FYB2: variants seen among roughly 807,000 people sequenced by gnomAD.
FYB2 encodes the protein FYN binding protein 2, also known as FYN-binding protein 2.
A neutral mutation model predicts 94.1 loss-of-function variants in FYB2; 103 were observed. The observed-to-expected ratio is 1.09, with a 90% CI of 0.93 to 1.29. The LOEUF is 1.29. FYB2 is among the 50% of genes most tolerant of loss of function. The pLI, the probability that FYB2 is intolerant of heterozygous loss-of-function variation, is 0.00. For synonymous variants in FYB2, 293 were observed against 287.9 expected (o/e 1.02, Z -0.18); for missense variants, 896 against 841.5 (o/e 1.06, Z -0.80).
At chr1:56,789,298 CTGCTT>C (rs1409660725) in intron 2 of FYB2, among the ~76,000 whole-genome samples, 164 bp from the exon 3 acceptor site, 7 of 152,200 alleles carry the variant, frequency 4.6e-5, no homozygotes, top group African/African-American at 1.7e-4. Flanking sequence ...TGCCATGCTG[CTGCTT>C]TAAGGATTTC....
chr1:56,812,174 AGTT>A (rs1241014439), intron 1 of FYB2, among the ~76,000 whole-genome samples: 1 of 152,216 alleles, frequency 6.6e-6, no homozygotes, highest in Non-Finnish European at 1.5e-5. Flanking sequence ...GTAGACAAGT[AGTT>A]ATTATTAGAC....
intron 1 of FYB2, among the ~76,000 whole-genome samples, chr1:56,800,008 C>T (rs1646484071): frequency 6.6e-6 from 1 of 152,220 alleles, no homozygotes; most frequent in African/African-American, 2.4e-5. Flanking sequence ...TAACTCATTT[C>T]TGAATGTCTG....
intron 1 of FYB2, among the ~76,000 whole-genome samples, chr1:56,799,128 T>C (rs1359854382): frequency 6.6e-6 from 1 of 152,188 alleles, no homozygotes; most frequent in Admixed American, 6.5e-5. Context: ...ATTAGGCGAT[T>C]GTTACTGACC....
At chr1:56,807,284 G>A (rs1430541473) in intron 1 of FYB2, among the ~76,000 whole-genome samples, 5 of 152,156 alleles carry the variant, frequency 3.3e-5, no homozygotes, top group African/African-American at 1.2e-4. Context: ...TTACTCCACA[G>A]CTATGATGTA....
intron 5 of FYB2, chr1:56,761,989 T>G (rs539788548): frequency 2.0e-5 from 3 of 151,808 alleles, no homozygotes. Context: ...CTGTGTTTCT[T>G]CTATTGAGCT....
At chr1:56,739,950 C>A (rs186001690) in intron 13 of FYB2, among the ~76,000 whole-genome samples, 1 of 152,040 alleles carries the variant, frequency 6.6e-6, no homozygotes, top group Non-Finnish European at 1.5e-5. Flanking sequence ...AATTGAGGTG[C>A]ACCTGAATAT....
chr1:56,818,889 C>G (rs1646947682), intron 1 of FYB2, among the ~76,000 whole-genome samples: 1 of 152,174 alleles, frequency 6.6e-6, no homozygotes, highest in Admixed American at 6.5e-5. Context: ...TGCTCTCTGA[C>G]CAGGAGGCCC....
chr1:56,819,579 A>G, upstream of FYB2: 2 of 556,536 alleles, frequency 3.6e-6, no homozygotes, highest in Non-Finnish European at 6.5e-6. Context: ...TCTTCTCAGC[A>G]AGCGGCTCTT....
intron 1 of FYB2, among the ~76,000 whole-genome samples, chr1:56,809,548 C>T (rs1277897617): frequency 1.3e-5 from 2 of 152,156 alleles, no homozygotes; most frequent in African/African-American, 4.8e-5. Flanking sequence ...AATGCTCTTA[C>T]CCATGTTTAT....
rs1646289987 is a variant in FYB2, at chr1:56,792,333, G to A, written c.480C>T (p.Ala160=). Residue 160 remains alanine (A), a synonymous_variant, in exon 2 of 20, where the codon GCC becomes GCT. Transcript: ENST00000343433. ...GATGGATGGCCTTACTTCCATAGTTGGCAAGGAGAAGGGCTGAAGACATTT... is the reference window on the plus strand; with the variant it reads ...GATGGATGGCCTTACTTCCATAGTTAGCAAGGAGAAGGGCTGAAGACATTT... ...KSEMSSALLL[A]NYGSKAIHLE... 6.2e-7 allele frequency: 1 copy of A among 1,613,946 alleles called. No individual in the cohort carries two copies. The highest frequency in any genetic ancestry group is 8.5e-7 in the Non-Finnish European group (1 of 1,179,996).
At chr1:56,742,099 C>T in intron 12 of FYB2, 62 bp downstream of exon 12, 1 of 1,472,938 alleles carries the variant, frequency 6.8e-7, no homozygotes, top group South Asian at 1.2e-5. Context: ...CACTGAAACT[C>T]TGGCTTTACT....
intron 2 of FYB2, among the ~76,000 whole-genome samples, chr1:56,791,833 C>T (rs1405458652): frequency 1.3e-5 from 2 of 152,120 alleles, no homozygotes; most frequent in African/African-American, 4.8e-5. Context: ...GATTCAAATC[C>T]AAGTTTTTCC....
chr1:56,780,281 T>C (rs766998238), intron 4 of FYB2, among the ~76,000 whole-genome samples: 2 of 152,150 alleles, frequency 1.3e-5, no homozygotes, highest in Non-Finnish European at 2.9e-5. Context: ...CCAAAACCTT[T>C]CATATTTTAG....
At chr1:56,752,724 GA>G (rs2100699189) in intron 8 of FYB2, among the ~76,000 whole-genome samples, 1 of 152,106 alleles carries the variant, frequency 6.6e-6, no homozygotes, top group East Asian at 1.9e-4. Flanking sequence ...ACAATTTCTG[GA>G]ACCCAAACTC....
chr1:56,817,077 T>A (rs1218198460), intron 1 of FYB2, among the ~76,000 whole-genome samples: 5 of 152,166 alleles, frequency 3.3e-5, no homozygotes, highest in African/African-American at 7.2e-5. Context: ...AGTCAGATGA[T>A]CCTTTTAAAA....
intron 6 of FYB2, 91 bp downstream of exon 6, chr1:56,758,625 A>G (rs1645415165): frequency 2.0e-6 from 2 of 1,003,724 alleles, no homozygotes; most frequent in East Asian, 2.8e-5. Context: ...GAAAACAAAG[A>G]CATTTTTTCC....
Position 56,819,268 on chromosome 1 carries a change from T to A in FYB2, c.9+14A>T, listed in dbSNP as rs775688401. On this transcript the variant is annotated intron_variant, in intron 1 of 19. Coordinates refer to ENST00000343433, the MANE Select transcript of FYB2 (RefSeq NM_001004303.5). ...ACACACAGAAAGCCAGCAACAAAAC[T>A]GAGACAGCCTTACCCCTTCCATTGC... 1.9e-6 allele frequency: 3 copies of A among 1,614,222 alleles called. No homozygotes were observed. In the South Asian group the frequency reaches 3.3e-5, roughly 18 times the overall value.
intron 5 of FYB2, among the ~76,000 whole-genome samples, chr1:56,762,279 G>A (rs1320040814): frequency 6.6e-6 from 1 of 151,984 alleles, no homozygotes; most frequent in African/African-American, 2.4e-5. Context: ...GATTTTTATA[G>A]GAATTTTATT....
At chr1:56,809,153 G>A (rs1333550172) in intron 1 of FYB2, among the ~76,000 whole-genome samples, 4 of 152,226 alleles carry the variant, frequency 2.6e-5, no homozygotes, top group African/African-American at 9.6e-5. Context: ...AGTGGTGACA[G>A]TGGTGAACAA....
Sources: allele counts gnomAD v4.1 joint callset (sites outside exome capture counted in the v4.1 genomes callset), GRCh38; gene constraint gnomAD v4.1.1; transcripts MANE v1.5; gene names NCBI Gene and HGNC (gene_info 2026-07-23, HGNC 2026-07-21).